Variants in DNAH7 observed in about 807,000 individuals in gnomAD.
DNAH7 encodes the protein dynein axonemal heavy chain 7, also known as axonemal beta dynein heavy chain 7.
DNAH7 carries 397 observed loss-of-function variants against 444.6 expected under a neutral mutation model. That is an observed-to-expected ratio of 0.89 (90% CI 0.82 to 0.97). The LOEUF (loss-of-function observed/expected upper bound fraction) is 0.97, where lower values mean the gene tolerates loss of function less well. Ranked by LOEUF, DNAH7 falls within the 50% of genes least tolerant of loss-of-function variation. The pLI is 0.00. For missense variants in DNAH7, 4,902 were observed against 4,800.8 expected (o/e 1.02, Z -0.62); for synonymous variants, 1,636 against 1,624.4 (o/e 1.01, Z -0.17).
At position 195,910,138 on chromosome 2, in the gene DNAH7, G is replaced by A. The variant is rs775140199; in HGVS notation, c.3993C>T (p.Gly1331=). 7 of 1,613,668 alleles carry A rather than the reference G, an allele frequency of 4.3e-6. No individual in the cohort carries two copies. Among genetic ancestry groups the A allele is most frequent in the Non-Finnish European group, 5.1e-6 (6 of 1,179,764 alleles). The change falls in exon 25 of 65, where the codon GGC becomes GGT. Residue 1331 remains glycine, a synonymous_variant. Coordinates refer to ENST00000312428, the MANE Select transcript of DNAH7 (RefSeq NM_018897.3). ...HLGGAPEGPA[G]TGKTETTKDL... ...CCTTGGTAGTTTCAGTCTTCCCAGT[G>A]CCAGCTGGACCCTCAGGTGCTCCTC...
Position 195,824,373 on chromosome 2 carries a change from T to A in DNAH7, c.9173A>T (p.Gln3058Leu). The A allele has an allele frequency of 2.5e-6, 4 of 1,613,590 alleles. No homozygotes were observed. The South Asian group carries it at 3.3e-5, about 13-fold the overall frequency. The stretch of plus-strand genomic sequence containing the variant: ...AAGCCGGATACATGTACTCCCACCC[T>A]GCTTAAAGGTTTGTTTTAGTAGAAG... The part of the protein sequence containing the change: ...EPLLLKQTFK[Q>L]GGSTCIRLGD... Residue 3058 changes from glutamine to leucine, a missense_variant, in exon 49 of 65, where the codon CAG becomes CTG. Physicochemically the swap from Gln to Leu is moderately radical, Grantham distance 113. Transcript: ENST00000312428.
At chr2:195,825,990 A>G (rs770283370) in intron 48 of DNAH7, among the ~76,000 whole-genome samples, 19 of 152,202 alleles carry the variant, frequency 1.2e-4, no homozygotes, top group Non-Finnish European at 1.9e-4. Context: ...CTACTTGCAT[A>G]AAATGATTAT....
chr2:195,955,920 A>G (rs1043846516), intron 19 of DNAH7, among the ~76,000 whole-genome samples: 3 of 152,158 alleles, frequency 2.0e-5, no homozygotes, highest in Non-Finnish European at 4.4e-5. Flanking sequence ...AATTAATTAG[A>G]GATGATTGTG....
rs1692729741 is a variant in DNAH7, at chr2:195,737,875, T to C, written c.*46A>G. Reference sequence around the variant, plus strand: ...AAGTAGTAAAATATGCTTTCTCTACTCAGCCAGCCAACAAGAAATAGGAAC... The same window carrying C: ...AAGTAGTAAAATATGCTTTCTCTACCCAGCCAGCCAACAAGAAATAGGAAC... On this transcript the variant is annotated 3_prime_UTR_variant, in exon 65 of 65. Coordinates refer to ENST00000312428, the MANE Select transcript of DNAH7 (RefSeq NM_018897.3). The C allele has an allele frequency of 2.5e-6, 4 of 1,582,896 alleles. No individual in the cohort carries two copies. Among genetic ancestry groups the C allele is most frequent in the African/African-American group, 2.7e-5 (2 of 73,348 alleles).
chr2:195,869,905 C>A (rs566980775), intron 40 of DNAH7, among the ~76,000 whole-genome samples: 6 of 152,246 alleles, frequency 3.9e-5, no homozygotes, highest in Non-Finnish European at 7.4e-5. Flanking sequence ...AGTAGTAAAC[C>A]TCACTAAATG....
intron 5 of DNAH7, among the ~76,000 whole-genome samples, chr2:196,042,367 A>C (rs1696824590): frequency 6.6e-6 from 1 of 152,050 alleles, no homozygotes; most frequent in African/African-American, 2.4e-5. Context: ...TTGAAATATT[A>C]CATGTATCCC....
chr2:196,045,973 A>G (rs964814979), intron 5 of DNAH7, among the ~76,000 whole-genome samples: 3 of 152,134 alleles, frequency 2.0e-5, no homozygotes, highest in Non-Finnish European at 2.9e-5. Flanking sequence ...ATTGAATTTC[A>G]GTAAGTCCAT....
At chr2:195,944,434 A>C (rs1689665663) in intron 19 of DNAH7, among the ~76,000 whole-genome samples, 1 of 152,090 alleles carries the variant, frequency 6.6e-6, no homozygotes, top group Non-Finnish European at 1.5e-5. Context: ...AACACATTTG[A>C]CCACATCTAA....
chr2:195,817,092 A>C, intron 50 of DNAH7, 129 bp from the exon 51 acceptor site: 1 of 667,886 alleles, frequency 1.5e-6, no homozygotes, highest in Admixed American at 3.2e-5. Context: ...AAATATCTGT[A>C]ATGGTGATGC....
At chr2:195,886,410 CTAT>C in intron 33 of DNAH7, 138 bp from the exon 34 acceptor site, 1 of 703,118 alleles carries the variant, frequency 1.4e-6, no homozygotes, top group Non-Finnish European at 2.3e-6. Context: ...CGAGTAGGTA[CTAT>C]TATTACAATT....
chr2:195,875,794 G>A lies in DNAH7; in HGVS notation c.6167C>T (p.Ala2056Val), dbSNP rs758939161. 1 of 1,613,652 alleles carries A rather than the reference G, an allele frequency of 6.2e-7. No homozygotes were observed. The highest frequency in any genetic ancestry group is 1.3e-5 in the African/African-American group (1 of 75,014). ...TCTAAGTAACTCAATGGGAGGTTGA[G>A]CCCCATATACCTCCCGAGCAGGCAT... is the stretch of plus-strand genomic sequence containing the variant. ...VNMPAREVYG[A>V]QPPIELLRQW... The change falls in exon 38 of 65, where the codon GCT (alanine) becomes GTT (valine). Residue 2056 changes from alanine to valine, a missense_variant. Transcript: ENST00000312428.
Position 195,891,694 on chromosome 2 carries a change from C to T in DNAH7, c.5007G>A (p.Gly1669=). The T allele has an allele frequency of 6.3e-7, 1 of 1,597,178 alleles. No homozygotes were observed. Among genetic ancestry groups the T allele is most frequent in the African/African-American group, 1.3e-5 (1 of 74,370 alleles). Residue 1669 remains glycine, a synonymous_variant, in exon 31 of 65, where the codon GGG becomes GGA. Coordinates refer to ENST00000312428, the MANE Select transcript of DNAH7 (RefSeq NM_018897.3). The stretch of plus-strand genomic sequence containing the variant: ...ATGCTCTAAAACTGACAGCAAGGAC[C>T]CCATCAGACCATTCATGGGACACTG... The part of the protein sequence containing the change: ...FDSVSHEWSD[G]VLAVSFRAFA...
chr2:196,066,001 T>C (rs1249909619), intron 1 of DNAH7, among the ~76,000 whole-genome samples: 1 of 152,262 alleles, frequency 6.6e-6, no homozygotes, highest in East Asian at 1.9e-4. Flanking sequence ...CTTTTGAGTA[T>C]GCCATCTGTT....
chr2:195,972,871 G>T (rs1043219359), intron 15 of DNAH7, among the ~76,000 whole-genome samples: 1 of 152,190 alleles, frequency 6.6e-6, no homozygotes, highest in African/African-American at 2.4e-5. Context: ...CCCTCCCTGA[G>T]TTTGCAGTCC....
chr2:196,033,429 T>C (rs1485603213), intron 5 of DNAH7, among the ~76,000 whole-genome samples: 3 of 152,304 alleles, frequency 2.0e-5, no homozygotes, highest in South Asian at 2.1e-4. Flanking sequence ...TAAGTCTTTG[T>C]AGCCTTTAAC....
At chr2:195,750,372 C>A (rs1372380240) in intron 63 of DNAH7, among the ~76,000 whole-genome samples, 1 of 152,156 alleles carries the variant, frequency 6.6e-6, no homozygotes, top group African/African-American at 2.4e-5. Context: ...AGTCTTTTAG[C>A]TGAGTTCAAA....
intron 15 of DNAH7, among the ~76,000 whole-genome samples, chr2:195,980,683 G>C (rs1692515783): frequency 6.6e-6 from 1 of 152,116 alleles, no homozygotes; most frequent in African/African-American, 2.4e-5. Flanking sequence ...ATTTATCCCA[G>C]GGATGCAAGG....
chr2:195,945,831 C>A (rs1206488952), intron 19 of DNAH7, among the ~76,000 whole-genome samples: 5 of 152,118 alleles, frequency 3.3e-5, no homozygotes, highest in Non-Finnish European at 2.9e-5. Context: ...GCATGAAATA[C>A]AAAAGACTTG....
At chr2:195,979,957 G>A (rs538410651) in intron 15 of DNAH7, among the ~76,000 whole-genome samples, 1 of 144,758 alleles carries the variant, frequency 6.9e-6, no homozygotes, top group East Asian at 2.1e-4. Context: ...ACAAGATCAA[G>A]TAACAAGATC....
Sources: gnomAD v4.1 joint callset for allele counts (sites outside exome capture counted in the v4.1 genomes callset) on GRCh38, gnomAD v4.1.1 for gene constraint, MANE v1.5 for transcripts, NCBI Gene and HGNC (gene_info 2026-07-23, HGNC 2026-07-21) for gene names.